Variants in TRPC4 observed in about 807,000 individuals in gnomAD.
The protein encoded by TRPC4 is short transient receptor potential channel 4.
Under a neutral mutation model 99.4 loss-of-function variants are expected in TRPC4, and 49 were observed. The ratio of observed to expected loss-of-function variants is 0.49; its 90% CI spans 0.39 to 0.63. TRPC4 has a LOEUF of 0.63. TRPC4 is among the 20% of genes least tolerant of loss of function. TRPC4 has a pLI of 0.00. For missense variants in TRPC4, 898 were observed against 1,152.9 expected, an observed-to-expected ratio of 0.78 and a Z score of 3.20; for synonymous variants, 454 against 425.9, an observed-to-expected ratio of 1.07 and a Z score of -0.81.
chr13:37,754,824 A>G (rs1234544591), intron 2 of TRPC4, among the ~76,000 whole-genome samples: 1 of 152,146 alleles, frequency 6.6e-6, no homozygotes, highest in East Asian at 1.9e-4. Context: ...ACAGCATTAA[A>G]TGTTATTGAC....
At chr13:37,705,481 A>C (rs1316388673) in intron 3 of TRPC4, among the ~76,000 whole-genome samples, 1 of 152,220 alleles carries the variant, frequency 6.6e-6, no homozygotes, top group African/African-American at 2.4e-5. Flanking sequence ...GAAGTAACGC[A>C]TATGTTAATT....
At chr13:37,711,473 A>G (rs1003335007) in intron 3 of TRPC4, among the ~76,000 whole-genome samples, 2 of 152,026 alleles carry the variant, frequency 1.3e-5, no homozygotes, top group Non-Finnish European at 2.9e-5. Context: ...ATTCCAGTTT[A>G]AAGATTCCTG....
intron 1 of TRPC4, among the ~76,000 whole-genome samples, chr13:37,842,342 C>CTAA: frequency 2.1e-5 from 1 of 47,852 alleles, no homozygotes; most frequent in Non-Finnish European, 3.5e-5. Context: ...TAGCGTCTAG[C>CTAA]CAAAAAAAAA....
intron 1 of TRPC4, among the ~76,000 whole-genome samples, chr13:37,831,928 G>T (rs1958431375): frequency 6.6e-6 from 1 of 152,084 alleles, no homozygotes; most frequent in African/African-American, 2.4e-5. Context: ...AAGGATTCAA[G>T]GTTTCAGTTA....
intron 4 of TRPC4, among the ~76,000 whole-genome samples, chr13:37,680,964 C>T (rs1384757415): frequency 6.6e-6 from 1 of 152,100 alleles, no homozygotes; most frequent in Non-Finnish European, 1.5e-5. Context: ...TATCTTTATA[C>T]CTGCTGCTAC....
At chr13:37,652,366 G>T (rs968378038) in intron 7 of TRPC4, among the ~76,000 whole-genome samples, 1 of 152,146 alleles carries the variant, frequency 6.6e-6, no homozygotes, top group Non-Finnish European at 1.5e-5. Flanking sequence ...GCTTCATTTT[G>T]ATATTCCTAA....
chr13:37,683,031 G>A lies in TRPC4; in HGVS notation c.1235-8664C>T, dbSNP rs546065982. On this transcript the variant is annotated intron_variant, in intron 4 of 10. Transcript: ENST00000379705. ...CTCCCCACCTTGGCCTTCCAAGGAGGGAGCTTGGATTACAGGCGTCGGCAG... is the reference window on the plus strand; with the variant it reads ...CTCCCCACCTTGGCCTTCCAAGGAGAGAGCTTGGATTACAGGCGTCGGCAG... Among the ~76,000 whole-genome samples the A allele has an allele frequency of 3.0e-4, 45 of 151,734 alleles. 1 individual carries two copies. The highest frequency in any genetic ancestry group is 1.8e-3 in the Admixed American group (28 of 15,234).
In TRPC4 at chr13:37,637,489, C is replaced by T. The variant is rs1444826619; in HGVS notation, c.2348G>A (p.Ser783Asn). ...TTTCTTGTCCTTGCTATTACCTTCG[C>T]TATCACTCTTTTCATCTGAGTCTGC... ...NSADSDEKSDSEGNSKDKKKN... is the reference protein window; with the variant it reads ...NSADSDEKSDNEGNSKDKKKN... The change falls in exon 11 of 11, where the codon AGC becomes AAC. Residue 783 changes from serine to asparagine, a missense_variant. By Grantham distance (46) the Ser-to-Asn change is conservative. This residue lies in a region of TRPC4 where 346 missense variants were observed against 351.4 expected (regional missense o/e 0.98). Coordinates refer to ENST00000379705, the MANE Select transcript of TRPC4 (RefSeq NM_016179.4). 1.2e-6 allele frequency: 2 copies of T among 1,613,782 alleles called. No individual in the cohort carries two copies. The highest frequency in any genetic ancestry group is 1.1e-5 in the South Asian group (1 of 91,074).
intron 2 of TRPC4, 81 bp downstream of exon 2, chr13:37,782,875 A>AC: frequency 1.7e-6 from 1 of 596,960 alleles, no homozygotes; most frequent in Non-Finnish European, 2.3e-6. Context: ...TTGAAAATCT[A>AC]AAAAAAAAAA....
Position 37,783,229 on chromosome 13 carries a change from G to A in TRPC4, c.105C>T (p.Ala35=). The A allele has an allele frequency of 6.2e-7, 1 of 1,613,650 alleles. No homozygotes were observed. Among genetic ancestry groups the A allele is most frequent in the South Asian group, 1.1e-5 (1 of 91,064 alleles). ...AESELSPSEK[A]YLNAVEKGDY... ...CTCCCTTTTCCACAGCATTCAAGTA[G>A]GCTTTTTCTGATGGCGAGAGTTCTG... The change falls in exon 2 of 11, where the codon GCC becomes GCT. Residue 35 remains alanine (A), a synonymous_variant. Transcript: ENST00000379705.
At chr13:37,640,621 G>C (rs1037807250) in intron 8 of TRPC4, among the ~76,000 whole-genome samples, 1 of 152,144 alleles carries the variant, frequency 6.6e-6, no homozygotes, top group East Asian at 1.9e-4. Flanking sequence ...CAAATGTAGA[G>C]AGCAGCTTGA....
intron 6 of TRPC4, among the ~76,000 whole-genome samples, chr13:37,657,499 T>C (rs1952277251): frequency 6.6e-6 from 1 of 152,242 alleles, no homozygotes; most frequent in African/African-American, 2.4e-5. Context: ...TGTGAAAGAA[T>C]TGTATTCTTT....
chr13:37,656,799 C>T (rs926789148), intron 6 of TRPC4, among the ~76,000 whole-genome samples: 1 of 152,114 alleles, frequency 6.6e-6, no homozygotes, highest in South Asian at 2.1e-4. Context: ...TAAGTAAACT[C>T]GGAATAAGGA....
Position 37,634,209 on chromosome 13 carries a change from C to T in TRPC4, c.*2694G>A, listed in dbSNP as rs966260092. Among the ~76,000 whole-genome samples, 1 of 151,970 alleles carries T rather than the reference C, an allele frequency of 6.6e-6. No individual in the cohort carries two copies. Among genetic ancestry groups the T allele is most frequent in the Non-Finnish European group, 1.5e-5 (1 of 67,952 alleles). On this transcript the variant is annotated 3_prime_UTR_variant, in exon 11 of 11. Transcript: ENST00000379705. ...AGAAATATGAATAGAAACGAACACC[C>T]TGAAGTACGCACTTACAAACCTCAA...
At chr13:37,784,606 T>A (rs1956925527) in intron 1 of TRPC4, among the ~76,000 whole-genome samples, 1 of 152,090 alleles carries the variant, frequency 6.6e-6, no homozygotes, top group African/African-American at 2.4e-5. Context: ...TTAAAATGAA[T>A]AGGGTGTTCT....
intron 1 of TRPC4, among the ~76,000 whole-genome samples, chr13:37,842,717 C>T (rs1346783532): frequency 1.3e-5 from 2 of 152,268 alleles, no homozygotes; most frequent in East Asian, 3.9e-4. Flanking sequence ...CCCTCATGAC[C>T]CAATAACTTT....
intron 1 of TRPC4, among the ~76,000 whole-genome samples, chr13:37,838,162 T>C (rs1958620573): frequency 6.6e-6 from 1 of 152,302 alleles, no homozygotes; most frequent in African/African-American, 2.4e-5. Flanking sequence ...AGTGTGAAAA[T>C]GGACTAACAC....
chr13:37,785,274 A>G (rs1471819444), intron 1 of TRPC4, among the ~76,000 whole-genome samples: 1 of 151,786 alleles, frequency 6.6e-6, no homozygotes, highest in African/African-American at 2.4e-5. Flanking sequence ...GGTGGTTGAC[A>G]CTCCCTTCCT....
intron 3 of TRPC4, among the ~76,000 whole-genome samples, chr13:37,724,276 G>A (rs1463987734): frequency 1.3e-5 from 2 of 152,126 alleles, no homozygotes; most frequent in African/African-American, 2.4e-5. Context: ...AAGTGTGTAG[G>A]TATGTTTTGT....
Sources: allele counts gnomAD v4.1 joint callset (sites outside exome capture counted in the v4.1 genomes callset), GRCh38; gene constraint gnomAD v4.1.1; regional missense constraint gnomAD v4.1.1; transcripts MANE v1.5; gene names NCBI Gene and HGNC (gene_info 2026-07-23, HGNC 2026-07-21).